TUT4: variants seen among roughly 807,000 people sequenced by gnomAD.
TUT4 encodes terminal uridylyltransferase 4.
In TUT4, 36 loss-of-function variants were observed where a neutral mutation model predicts 192.2. The ratio of observed to expected loss-of-function variants is 0.19; its 90% CI spans 0.14 to 0.25. TUT4 has a LOEUF of 0.25. TUT4 is among the 10% of genes least tolerant of loss of function. TUT4 has a pLI of 1.00. For missense variants in TUT4, 1,493 were observed against 1,957.2 expected, an observed-to-expected ratio of 0.76 and a Z score of 4.47; for synonymous variants, 618 against 666.0, an observed-to-expected ratio of 0.93 and a Z score of 1.11.
chr1:52,472,311 T>TTA (rs1665980311), intron 13 of TUT4, among the ~76,000 whole-genome samples: 1 of 151,952 alleles, frequency 6.6e-6, no homozygotes, highest in Admixed American at 6.6e-5. Flanking sequence ...CCCACTAAAA[T>TTA]TATATCAAGG....
rs564716946 is a variant in TUT4 at position 52,476,087 on chromosome 1, C to T, written c.2024-552G>A. On this transcript the variant is annotated intron_variant, in intron 12 of 29. Coordinates refer to ENST00000257177, the MANE Select transcript of TUT4 (RefSeq NM_001009881.3). Reference sequence around the variant, plus strand: ...CTTGAACTTCTGACCTCAGGTGATCCGCCTGCTTCAGCCTCCCAAAGTGCT... The same window carrying T: ...CTTGAACTTCTGACCTCAGGTGATCTGCCTGCTTCAGCCTCCCAAAGTGCT... Among the ~76,000 whole-genome samples, 6 of 152,112 alleles carry T rather than the reference C, an allele frequency of 3.9e-5. No individual in the cohort carries two copies. The East Asian group carries it at 9.7e-4, about 24-fold the overall frequency.
intron 4 of TUT4, among the ~76,000 whole-genome samples, chr1:52,499,947 TAC>T (rs529026224): frequency 5.3e-5 from 8 of 150,646 alleles, no homozygotes; most frequent in Non-Finnish European, 7.4e-5. Context: ...TACATATATA[TAC>T]ACACACACAC....
intron 29 of TUT4, 152 bp downstream of exon 29, chr1:52,425,197 G>A: frequency 1.2e-6 from 1 of 848,012 alleles, no homozygotes; most frequent in Non-Finnish European, 1.7e-6. Context: ...TGTTTTACAA[G>A]CACCTAGCAC....
intron 27 of TUT4, 117 bp from the exon 28 acceptor site, chr1:52,431,577 T>C (rs2148158105): frequency 1.2e-6 from 1 of 807,580 alleles, no homozygotes; most frequent in Non-Finnish European, 1.7e-6. Flanking sequence ...ATGTATATCA[T>C]AACAAATAAT....
At chr1:52,477,151 G>T (rs1345970694) in intron 12 of TUT4, among the ~76,000 whole-genome samples, 1 of 152,032 alleles carries the variant, frequency 6.6e-6, no homozygotes, top group Non-Finnish European at 1.5e-5. Flanking sequence ...CTGCAAGTTT[G>T]CATAATTAAA....
At position 52,436,963 on chromosome 1, in the gene TUT4, T is replaced by C; in HGVS notation, c.3954A>G (p.Arg1318=). ...CTTCTTCACTGTCTTTCTTCTTTAG[T>C]CTAAACAGTAAACTGCTGATACCAA... The part of the protein sequence containing the change: ...CPKRKSSLLF[R]LKKKDSEEEK... The change falls in exon 26 of 30, where the codon AGA becomes AGG. Residue 1318 remains arginine (R), a synonymous_variant. Transcript: ENST00000257177. 1 of 1,613,904 alleles carries C rather than the reference T, an allele frequency of 6.2e-7. No individual in the cohort carries two copies. The highest frequency in any genetic ancestry group is 1.1e-5 in the South Asian group (1 of 91,078).
chr1:52,429,468 A>C (rs1015117711), intron 28 of TUT4, among the ~76,000 whole-genome samples: 28 of 151,926 alleles, frequency 1.8e-4, no homozygotes, highest in South Asian at 1.2e-3. Flanking sequence ...GGAGCACTTG[A>C]GCCCAGGAGT....
At position 52,482,639 on chromosome 1, in the gene TUT4, T is replaced by C. The variant is rs571138990; in HGVS notation, c.1516-716A>G. On this transcript the variant is annotated intron_variant, in intron 9 of 29. Transcript: ENST00000257177. ...ATTTGTAGACAAATTTTACTTACGT[T>C]GCCCAGGCTGGTCTCGAACCCTTGG... Among the ~76,000 whole-genome samples the C allele has an allele frequency of 3.9e-4, 59 of 152,260 alleles. 1 individual carries two copies. The South Asian group carries it at 0.012, about 30-fold the overall frequency.
intron 3 of TUT4, among the ~76,000 whole-genome samples, chr1:52,511,709 A>G (rs575993303): frequency 6.6e-6 from 1 of 152,340 alleles, no homozygotes; most frequent in African/African-American, 2.4e-5. Flanking sequence ...ACTACAAAAA[A>G]GTTAGCATAA....
At chr1:52,433,727 T>G (rs141028212) in intron 27 of TUT4, 1 of 152,336 alleles carries the variant, frequency 6.6e-6, no homozygotes, top group East Asian at 1.9e-4. Context: ...AAGTGTCTAT[T>G]GACCTCAGGC....
At chr1:52,538,778 CT>C (rs763237622) in intron 1 of TUT4, 2 of 151,344 alleles carry the variant, frequency 1.3e-5, no homozygotes, top group Non-Finnish European at 2.9e-5. Context: ...AACATTTATT[CT>C]AAAAATGATG....
intron 15 of TUT4, among the ~76,000 whole-genome samples, chr1:52,466,241 A>G (rs1176372618): frequency 6.6e-6 from 1 of 152,150 alleles, no homozygotes. Context: ...TCAATACTTT[A>G]TATACTCCTA....
At chr1:52,431,615 C>T (rs1652094011) in intron 27 of TUT4, 155 bp from the exon 28 acceptor site, 1 of 558,346 alleles carries the variant, frequency 1.8e-6, no homozygotes, top group Non-Finnish European at 2.8e-6. Flanking sequence ...CTCAAACCCC[C>T]TTTTCAAGTA....
In TUT4 at chr1:52,475,123, T is replaced by C; in HGVS notation, c.2436A>G (p.Leu812=). 2 of 1,614,208 alleles carry C rather than the reference T, an allele frequency of 1.2e-6. No homozygotes were observed. The highest frequency in any genetic ancestry group is 1.7e-6 in the Non-Finnish European group (2 of 1,180,032). The change falls in exon 13 of 30, where the codon TTA becomes TTG. Residue 812 remains leucine (L), a synonymous_variant. Coordinates refer to ENST00000257177, the MANE Select transcript of TUT4 (RefSeq NM_001009881.3). Reference sequence around the variant, plus strand: ...GCGCTAAATCATCTTGTTTCTTATCTAATTTTGGCTCTATTTCACTGCTTT... The same window carrying C: ...GCGCTAAATCATCTTGTTTCTTATCCAATTTTGGCTCTATTTCACTGCTTT... The part of the protein sequence containing the change: ...TSKSSEIEPK[L]DKKQDDLAPS...
At chr1:52,509,806 C>T in intron 3 of TUT4, 94 bp from the exon 4 acceptor site, 1 of 784,104 alleles carries the variant, frequency 1.3e-6, no homozygotes, top group South Asian at 1.5e-5. Flanking sequence ...TGTAAGTAGA[C>T]AGAAATAAGC....
chr1:52,534,526 TG>T (rs1684373400), intron 1 of TUT4, among the ~76,000 whole-genome samples: 1 of 152,010 alleles, frequency 6.6e-6, no homozygotes, highest in Admixed American at 6.6e-5. Flanking sequence ...ATATCTTTAT[TG>T]TATCTTCACA....
chr1:52,425,893 G>A (rs563639453), intron 28 of TUT4, among the ~76,000 whole-genome samples: 1 of 152,044 alleles, frequency 6.6e-6, no homozygotes, highest in African/African-American at 2.4e-5. Context: ...TCAGAGAGAA[G>A]GAGTATCATG....
At chr1:52,515,771 A>G (rs1352295641) in intron 3 of TUT4, 120 bp downstream of exon 3, 2 of 1,149,216 alleles carry the variant, frequency 1.7e-6, no homozygotes, top group South Asian at 1.4e-5. Flanking sequence ...AGAGGGAAGT[A>G]AGGAAAGATG....
chr1:52,503,541 A>G (rs1208660659), intron 4 of TUT4, among the ~76,000 whole-genome samples: 6 of 152,126 alleles, frequency 3.9e-5, no homozygotes, highest in Non-Finnish European at 7.4e-5. Flanking sequence ...TGTTCTTCCC[A>G]GGATTATCAA....
Sources: allele counts gnomAD v4.1 joint callset (sites outside exome capture counted in the v4.1 genomes callset), GRCh38; gene constraint gnomAD v4.1.1; transcripts MANE v1.5; gene names NCBI Gene and HGNC (gene_info 2026-07-23, HGNC 2026-07-21).